GRIK1: variants seen among roughly 807,000 people sequenced by gnomAD.
GRIK1 encodes glutamate receptor ionotropic, kainate 1.
A neutral mutation model predicts 105.7 loss-of-function variants in GRIK1; 69 were observed. That is an observed-to-expected ratio of 0.65 (90% confidence interval 0.54 to 0.80). GRIK1 has a LOEUF of 0.80. GRIK1 is among the 30% of genes least tolerant of loss of function. The probability of loss-of-function intolerance (pLI) is 0.00; values close to 1 mark genes in which losing one functional copy is unlikely to be tolerated. For missense variants in GRIK1, 1,109 were observed against 1,167.3 expected, an observed-to-expected ratio of 0.95 and a Z score of 0.73; for synonymous variants, 438 against 431.3, an observed-to-expected ratio of 1.02 and a Z score of -0.19.
intron 3 of GRIK1, among the ~76,000 whole-genome samples, chr21:29,683,325 A>T (rs773956534): frequency 1.3e-5 from 2 of 152,236 alleles, no homozygotes; most frequent in African/African-American, 2.4e-5. Flanking sequence ...CCACACACTC[A>T]TATGTTCATT....
chr21:29,720,697 C>T (rs535797826), intron 1 of GRIK1, among the ~76,000 whole-genome samples: 1 of 152,234 alleles, frequency 6.6e-6, no homozygotes, highest in South Asian at 2.1e-4. Flanking sequence ...CTTCGATCAC[C>T]TCCATGAGAG....
intron 1 of GRIK1, among the ~76,000 whole-genome samples, chr21:29,928,743 G>C (rs1407592639): frequency 6.6e-6 from 1 of 152,166 alleles, no homozygotes; most frequent in Non-Finnish European, 1.5e-5. Flanking sequence ...CTCAGTCAGG[G>C]ATTTGGGCAG....
At chr21:29,936,033 T>C (rs1602092777) in intron 1 of GRIK1, among the ~76,000 whole-genome samples, 1 of 152,362 alleles carries the variant, frequency 6.6e-6, no homozygotes, top group South Asian at 2.1e-4. Context: ...ACTGTGAGGT[T>C]TGCAATAGTT....
intron 1 of GRIK1, among the ~76,000 whole-genome samples, chr21:29,781,438 G>A (rs1486699044): frequency 2.0e-5 from 3 of 151,694 alleles, no homozygotes; most frequent in African/African-American, 7.3e-5. Context: ...TTATAAATAC[G>A]TACCTATGTG....
At chr21:29,740,058 G>GAA (rs2064887418) in intron 1 of GRIK1, among the ~76,000 whole-genome samples, 1 of 151,924 alleles carries the variant, frequency 6.6e-6, no homozygotes, top group Non-Finnish European at 1.5e-5. Flanking sequence ...GATTTCAATT[G>GAA]AAAAAACTTC....
intron 1 of GRIK1, among the ~76,000 whole-genome samples, chr21:29,857,657 G>A (rs1397137640): frequency 1.3e-5 from 2 of 151,988 alleles, no homozygotes; most frequent in East Asian, 1.9e-4. Flanking sequence ...CCCTTTACAT[G>A]GAAAACTTAA....
chr21:29,540,722 A>T (rs1255205542), intron 16 of GRIK1, among the ~76,000 whole-genome samples: 1 of 152,192 alleles, frequency 6.6e-6, no homozygotes, highest in African/African-American at 2.4e-5. Context: ...ATATTCACAG[A>T]GCCATAGAAA....
At position 29,755,102 on chromosome 21, in the gene GRIK1, A is replaced by T. The variant is rs147188931; in HGVS notation, c.119-61039T>A. 7.9e-3 allele frequency among the ~76,000 whole-genome samples: 1,206 copies of T among 152,346 alleles called. 6 individuals carry two copies. The highest frequency in any genetic ancestry group is 0.013 in the Non-Finnish European group (882 of 68,034). On this transcript the variant is annotated intron_variant, in intron 1 of 17. Transcript: ENST00000327783. Reference sequence around the variant, plus strand: ...TTGAGGGTTCATATTTGAATACACAAATTCTATATTTCTATCAGATTGTAG... The same window carrying T: ...TTGAGGGTTCATATTTGAATACACATATTCTATATTTCTATCAGATTGTAG...
At chr21:29,783,830 T>G (rs1006083321) in intron 1 of GRIK1, among the ~76,000 whole-genome samples, 4 of 152,368 alleles carry the variant, frequency 2.6e-5, no homozygotes, top group African/African-American at 9.6e-5. Flanking sequence ...ATCACATGAC[T>G]CAAAATTCTA....
chr21:29,899,447 C>T (rs1280410435), intron 1 of GRIK1, among the ~76,000 whole-genome samples: 1 of 151,922 alleles, frequency 6.6e-6, no homozygotes, highest in Non-Finnish European at 1.5e-5. Context: ...TTTCATGCGT[C>T]TTTTCATTCT....
chr21:29,604,003 C>T (rs1037297918), intron 7 of GRIK1, among the ~76,000 whole-genome samples: 5 of 152,166 alleles, frequency 3.3e-5, no homozygotes, highest in Non-Finnish European at 7.3e-5. Context: ...CCAGAATTTA[C>T]AGGGGTCTCT....
At chr21:29,696,462 T>G (rs145821663) in intron 1 of GRIK1, among the ~76,000 whole-genome samples, 2 of 152,290 alleles carry the variant, frequency 1.3e-5, no homozygotes, top group East Asian at 3.9e-4. Flanking sequence ...GACTCTGGAG[T>G]TGATTTTCAG....
intron 1 of GRIK1, among the ~76,000 whole-genome samples, chr21:29,846,013 T>C (rs1471194517): frequency 1.3e-5 from 2 of 152,204 alleles, no homozygotes; most frequent in Admixed American, 1.3e-4. Flanking sequence ...GTATGGTCAC[T>C]ACTTCCTGTT....
At chr21:29,765,857 CTT>C (rs113142690) in intron 1 of GRIK1, among the ~76,000 whole-genome samples, 1 of 146,546 alleles carries the variant, frequency 6.8e-6, no homozygotes. Flanking sequence ...GAAAATTCTT[CTT>C]TTTTTTTTTT....
chr21:29,756,680 TAAAAACAAAAAACA>T (rs759070584), intron 1 of GRIK1, among the ~76,000 whole-genome samples: 1 of 150,456 alleles, frequency 6.6e-6, no homozygotes, highest in Non-Finnish European at 1.5e-5. Flanking sequence ...TCCTTACTAT[TAAAAACAAAAAACA>T]AAAAACAAAA....
chr21:29,702,008 A>G (rs1447285986), intron 1 of GRIK1, among the ~76,000 whole-genome samples: 1 of 152,154 alleles, frequency 6.6e-6, no homozygotes, highest in African/African-American at 2.4e-5. Context: ...TAGAAGTCCA[A>G]GTGAAGCCAT....
At chr21:29,891,281 G>T (rs564590506) in intron 1 of GRIK1, among the ~76,000 whole-genome samples, 1 of 152,140 alleles carries the variant, frequency 6.6e-6, no homozygotes. Flanking sequence ...CGATCATTCA[G>T]TATCATCGAG....
At chr21:29,630,857 T>G in intron 7 of GRIK1, 1 of 333,854 alleles carries the variant, frequency 3.0e-6, no homozygotes, top group Non-Finnish European at 5.8e-6. Context: ...TGGAGTGCAG[T>G]GGCGAGATCA....
chr21:29,634,708 T>C (rs756412945), intron 7 of GRIK1, among the ~76,000 whole-genome samples: 2 of 152,160 alleles, frequency 1.3e-5, no homozygotes, highest in Non-Finnish European at 2.9e-5. Flanking sequence ...CAGCAGAGGT[T>C]CAGGAAAGGC....
Sources: allele counts gnomAD v4.1 joint callset (sites outside exome capture counted in the v4.1 genomes callset), GRCh38; gene constraint gnomAD v4.1.1; transcripts MANE v1.5; gene names NCBI Gene and HGNC (gene_info 2026-07-23, HGNC 2026-07-21).